Variants in PIWIL2 observed in about 807,000 individuals in gnomAD.
The protein encoded by PIWIL2 is piwi like RNA-mediated gene silencing 2.
PIWIL2 carries 81 observed loss-of-function variants against 116.5 expected under a neutral mutation model. The observed-to-expected ratio is 0.70, with a 90% CI of 0.58 to 0.84. The LOEUF is 0.84. Ranked by LOEUF, PIWIL2 falls within the 40% of genes least tolerant of loss-of-function variation. The pLI is 0.00. For synonymous variants in PIWIL2, 489 were observed against 429.5 expected, an observed-to-expected ratio of 1.14 and a Z score of -1.71; for missense variants, 1,272 against 1,212.3, an observed-to-expected ratio of 1.05 and a Z score of -0.73.
intron 20 of PIWIL2, among the ~76,000 whole-genome samples, chr8:22,332,839 G>A (rs1447368857): frequency 6.6e-6 from 1 of 152,020 alleles, no homozygotes; most frequent in Non-Finnish European, 1.5e-5. Flanking sequence ...AATATAAAAA[G>A]CATTATTCAG....
chr8:22,329,225 G>C (rs1421242311), intron 20 of PIWIL2, among the ~76,000 whole-genome samples: 1 of 152,126 alleles, frequency 6.6e-6, no homozygotes, highest in East Asian at 1.9e-4. Context: ...TAACAGTCTT[G>C]TTCAGATTAA....
At chr8:22,301,186 G>A (rs980125495) in intron 10 of PIWIL2, among the ~76,000 whole-genome samples, 2 of 151,870 alleles carry the variant, frequency 1.3e-5, no homozygotes, top group Admixed American at 6.6e-5. Flanking sequence ...GTTTCACCAC[G>A]TTGCCCAGGC....
At chr8:22,297,880 C>G (rs1830949154) in intron 10 of PIWIL2, among the ~76,000 whole-genome samples, 1 of 152,090 alleles carries the variant, frequency 6.6e-6, no homozygotes. Context: ...GCACTGTTTT[C>G]TATGTTGAGC....
At position 22,304,790 on chromosome 8, in the gene PIWIL2, T is replaced by C; in HGVS notation, c.1377T>C (p.Asn459=). The part of the protein sequence containing the change: ...EITFLEYYSK[N]YGITVKEEDQ... ...TGCCTCTACTCTGCTCTAGCAAAAA[T>C]TATGGGATCACAGTTAAGGAAGAGG... is the stretch of plus-strand genomic sequence containing the variant. Residue 459 remains asparagine (N), a synonymous_variant, in exon 12 of 23, where the codon AAT becomes AAC. Coordinates refer to ENST00000356766, the MANE Select transcript of PIWIL2 (RefSeq NM_018068.5). 1.2e-6 allele frequency: 2 copies of C among 1,612,140 alleles called. No individual in the cohort carries two copies. Among genetic ancestry groups the C allele is most frequent in the Non-Finnish European group, 1.7e-6 (2 of 1,178,256 alleles).
chr8:22,323,742 C>G (rs1831661173), intron 20 of PIWIL2, among the ~76,000 whole-genome samples: 1 of 152,160 alleles, frequency 6.6e-6, no homozygotes, highest in Non-Finnish European at 1.5e-5. Flanking sequence ...TTACTAGAGT[C>G]CTACTCAGTC....
intron 16 of PIWIL2, among the ~76,000 whole-genome samples, chr8:22,312,381 C>T (rs1423419106): frequency 1.3e-5 from 2 of 152,144 alleles, no homozygotes; most frequent in Non-Finnish European, 2.9e-5. Context: ...CCTTCCGCCT[C>T]AGCCTTCCAA....
intron 20 of PIWIL2, among the ~76,000 whole-genome samples, chr8:22,322,368 A>C (rs1489079360): frequency 2.0e-5 from 3 of 151,658 alleles, no homozygotes; most frequent in Non-Finnish European, 4.4e-5. Context: ...CTCCCACCTC[A>C]GCCTCCCAAG....
chr8:22,283,473 A>G (rs1317003274), intron 5 of PIWIL2, among the ~76,000 whole-genome samples: 6 of 152,298 alleles, frequency 3.9e-5, no homozygotes, highest in East Asian at 1.9e-4. Context: ...CAGTGGTGCA[A>G]TCTTGGCTCA....
chr8:22,333,637 C>T (rs1225207873), intron 20 of PIWIL2, among the ~76,000 whole-genome samples: 1 of 151,936 alleles, frequency 6.6e-6, no homozygotes, highest in African/African-American at 2.4e-5. Flanking sequence ...AAAAATGTTT[C>T]TGAACATTTA....
At chr8:22,346,328 C>T (rs762683200) in intron 20 of PIWIL2, among the ~76,000 whole-genome samples, 1 of 152,226 alleles carries the variant, frequency 6.6e-6, no homozygotes, top group African/African-American at 2.4e-5. Flanking sequence ...CACCTCACAG[C>T]TTTTTAGTTC....
chr8:22,318,746 C>T (rs897813136), intron 20 of PIWIL2, among the ~76,000 whole-genome samples: 1 of 152,224 alleles, frequency 6.6e-6, no homozygotes, highest in African/African-American at 2.4e-5. Context: ...AGAGCTCCTC[C>T]TTTCAGGCTT....
chr8:22,294,563 C>A (rs1586547753), intron 10 of PIWIL2, among the ~76,000 whole-genome samples: 1 of 148,502 alleles, frequency 6.7e-6, no homozygotes, highest in South Asian at 2.1e-4. Context: ...TTGGCGTGAA[C>A]CCAGGAGGCG....
chr8:22,343,128 C>T (rs896550280), intron 20 of PIWIL2, among the ~76,000 whole-genome samples: 1 of 151,762 alleles, frequency 6.6e-6, no homozygotes, highest in African/African-American at 2.4e-5. Flanking sequence ...TTAGGCCAGG[C>T]GCAGTGGCTC....
At chr8:22,301,265 C>T (rs1563370760) in intron 10 of PIWIL2, among the ~76,000 whole-genome samples, 1 of 151,974 alleles carries the variant, frequency 6.6e-6, no homozygotes, top group Non-Finnish European at 1.5e-5. Flanking sequence ...GCCATCACAC[C>T]CGGCCAGTGG....
intron 20 of PIWIL2, among the ~76,000 whole-genome samples, chr8:22,329,773 C>G (rs1446034889): frequency 1.3e-5 from 2 of 152,138 alleles, no homozygotes; most frequent in Non-Finnish European, 2.9e-5. Flanking sequence ...TTAGCATTCC[C>G]CAGAGAAACT....
intron 20 of PIWIL2, among the ~76,000 whole-genome samples, chr8:22,324,638 G>A (rs1382655085): frequency 6.6e-6 from 1 of 152,206 alleles, no homozygotes; most frequent in Non-Finnish European, 1.5e-5. Context: ...CTTGCTTAGA[G>A]CTTGTTATGA....
chr8:22,329,584 C>A (rs950889982), intron 20 of PIWIL2, among the ~76,000 whole-genome samples: 1 of 152,230 alleles, frequency 6.6e-6, no homozygotes, highest in Admixed American at 6.5e-5. Context: ...CCAAGCCATT[C>A]CTGAGGGATC....
chr8:22,307,656 A>G (rs889906559), intron 13 of PIWIL2, among the ~76,000 whole-genome samples: 3 of 151,602 alleles, frequency 2.0e-5, no homozygotes, highest in African/African-American at 7.3e-5. Flanking sequence ...GCTAATTTTT[A>G]AAAGTTTTTT....
At chr8:22,347,713 GAC>G (rs1487755419) in intron 20 of PIWIL2, among the ~76,000 whole-genome samples, 1 of 151,198 alleles carries the variant, frequency 6.6e-6, no homozygotes, top group Non-Finnish European at 1.5e-5. Flanking sequence ...TTTTAGTAGA[GAC>G]GGGGTTTCAC....
Sources: allele counts gnomAD v4.1 joint callset (sites outside exome capture counted in the v4.1 genomes callset), GRCh38; gene constraint gnomAD v4.1.1; transcripts MANE v1.5; gene names NCBI Gene and HGNC (gene_info 2026-07-23, HGNC 2026-07-21).